Variants in ZMYM2 observed in about 807,000 individuals in gnomAD.
ZMYM2 encodes the protein zinc finger MYM-type protein 2.
A neutral mutation model predicts 162.8 loss-of-function variants in ZMYM2; 56 were observed. The ratio of observed to expected loss-of-function variants is 0.34; its 90% confidence interval spans 0.28 to 0.43. The LOEUF (loss-of-function observed/expected upper bound fraction) is 0.43, where lower values mean the gene tolerates loss of function less well. Ranked by LOEUF, ZMYM2 falls within the 20% of genes least tolerant of loss-of-function variation. ZMYM2 has a pLI of 1.00. For synonymous variants in ZMYM2, 510 were observed against 541.6 expected, an observed-to-expected ratio of 0.94 and a Z score of 0.81; for missense variants, 1,275 against 1,621.8, an observed-to-expected ratio of 0.79 and a Z score of 3.67.
the ZMYM2 span, among the ~76,000 whole-genome samples, chr13:19,893,700 ACTGCAGTCTAGC>A: frequency 6.6e-6 from 1 of 151,890 alleles, no homozygotes. Context: ...AGATGACACG[ACTGCAGTCTAGC>A]CTGGGCGACA....
At chr13:19,974,478 CTTTT>C (rs796692110) in intron 2 of ZMYM2, among the ~76,000 whole-genome samples, 1 of 141,206 alleles carries the variant, frequency 7.1e-6, no homozygotes, top group Admixed American at 7.1e-5. Flanking sequence ...TATCCTTCTA[CTTTT>C]TTTTTTTTTT....
intron 2 of ZMYM2, among the ~76,000 whole-genome samples, chr13:19,984,077 C>G (rs1948949902): frequency 6.6e-6 from 1 of 152,152 alleles, no homozygotes; most frequent in African/African-American, 2.4e-5. Flanking sequence ...ACTTAGAAAG[C>G]GTTTAGATAG....
upstream of ZMYM2, among the ~76,000 whole-genome samples, chr13:19,957,752 C>T (rs1309783853): frequency 6.6e-6 from 1 of 152,238 alleles, no homozygotes; most frequent in African/African-American, 2.4e-5. Flanking sequence ...AGGACGGCGG[C>T]GCCCAAGGAC....
chr13:19,881,222 C>T, the ZMYM2 span, among the ~76,000 whole-genome samples: 4 of 152,054 alleles, frequency 2.6e-5, no homozygotes, highest in Admixed American at 2.0e-4. Context: ...AAATTTTCAT[C>T]TATGGAAAAC....
At chr13:19,955,700 C>CA (rs1480764024), upstream of ZMYM2, among the ~76,000 whole-genome samples, 1 of 152,164 alleles carries the variant, frequency 6.6e-6, no homozygotes, top group Non-Finnish European at 1.5e-5. Flanking sequence ...CGGCTCACTG[C>CA]AACCTCCGCC....
At chr13:20,074,956 T>A (rs1957383108) in intron 21 of ZMYM2, among the ~76,000 whole-genome samples, 1 of 152,212 alleles carries the variant, frequency 6.6e-6, no homozygotes, top group South Asian at 2.1e-4. Flanking sequence ...GTTCTACAGT[T>A]TACCAAAATT....
Position 19,965,010 on chromosome 13 carries a change from G to A in ZMYM2, c.-11+4984G>A, listed in dbSNP as rs543976694. Among the ~76,000 whole-genome samples the A allele has an allele frequency of 1.1e-3, 172 of 151,584 alleles. 1 individual carries two copies. In the Middle Eastern group the frequency reaches 0.017, roughly 15 times the overall value. ...AAATACTTAAGTTAGTGGGTGCAGC[G>A]CACCAGCATGGCACATGTATACATA... On this transcript the variant is annotated intron_variant, in intron 2 of 24. Transcript: ENST00000610343.
At chr13:19,916,508 TAC>T in the ZMYM2 span, among the ~76,000 whole-genome samples, 1 of 152,140 alleles carries the variant, frequency 6.6e-6, no homozygotes, top group East Asian at 1.9e-4. Flanking sequence ...GTGGCACATA[TAC>T]ACAATGAAAT....
chr13:20,025,891 A>G (rs767518150), intron 7 of ZMYM2: 1 of 152,220 alleles, frequency 6.6e-6, no homozygotes, highest in Non-Finnish European at 1.5e-5. Context: ...AACATAGAAA[A>G]GGTACAGTAG....
At chr13:20,053,008 T>C (rs1955500588) in intron 14 of ZMYM2, among the ~76,000 whole-genome samples, 3 of 152,214 alleles carry the variant, frequency 2.0e-5, no homozygotes, top group Admixed American at 2.0e-4. Context: ...TATTTTTCTT[T>C]TGGTGTAATA....
chr13:20,002,860 C>T lies in ZMYM2; in HGVS notation c.858C>T (p.Ile286=). 6.2e-7 allele frequency: 1 copy of T among 1,612,678 alleles called. No individual in the cohort carries two copies. The highest frequency in any genetic ancestry group is 1.1e-5 in the South Asian group (1 of 91,028). Residue 286 remains isoleucine, a synonymous_variant, in exon 4 of 25, where the codon ATC becomes ATT. Transcript: ENST00000610343. The part of the protein sequence containing the change: ...SATHHNPDSW[I]SQSASFPRNQ... ...CATTTTGTTTTTAAGATTCTTGGAT[C>T]TCCCAGTCAGCTTCATTTCCCCGTA...
chr13:19,882,781 TGC>T, the ZMYM2 span, among the ~76,000 whole-genome samples: 17,467 of 151,962 alleles, frequency 0.11, 1,275 homozygotes, highest in African/African-American at 0.21. Context: ...CACAATGACG[TGC>T]GCCACTTCAC....
chr13:19,887,504 G>C, the ZMYM2 span, among the ~76,000 whole-genome samples: 74 of 150,686 alleles, frequency 4.9e-4, 2 homozygotes, highest in African/African-American at 1.6e-3. Flanking sequence ...ACTCCAGCCT[G>C]GGAGACAGAA....
At chr13:20,066,670 G>A (rs1288526866) in intron 19 of ZMYM2, 181 bp from the exon 20 acceptor site, 1 of 468,684 alleles carries the variant, frequency 2.1e-6, no homozygotes, top group African/African-American at 2.0e-5. Context: ...GGAAGAGGTA[G>A]AAGGAGGTTG....
chr13:19,924,710 A>G, the ZMYM2 span, among the ~76,000 whole-genome samples: 2 of 152,020 alleles, frequency 1.3e-5, no homozygotes, highest in Admixed American at 6.6e-5. Flanking sequence ...CTGTTCGTCT[A>G]TGGATGGAGA....
At chr13:19,959,309 C>T (rs1015156545) in intron 1 of ZMYM2, among the ~76,000 whole-genome samples, 7 of 152,050 alleles carry the variant, frequency 4.6e-5, no homozygotes, top group African/African-American at 1.7e-4. Flanking sequence ...GCAGCGCTCC[C>T]ACCCTGTCCA....
chr13:20,035,286 C>T (rs765410713), intron 11 of ZMYM2, among the ~76,000 whole-genome samples: 1 of 152,124 alleles, frequency 6.6e-6, no homozygotes, highest in Non-Finnish European at 1.5e-5. Flanking sequence ...TCAACTAGTG[C>T]GTTCATTTAC....
chr13:19,978,438 C>T (rs568358021), intron 2 of ZMYM2, among the ~76,000 whole-genome samples: 11 of 150,564 alleles, frequency 7.3e-5, no homozygotes, highest in South Asian at 4.2e-4. Flanking sequence ...TTTTTTGAGA[C>T]GAAGTTTTGC....
upstream of ZMYM2, among the ~76,000 whole-genome samples, chr13:19,957,884 C>T (rs1191305035): frequency 6.6e-6 from 1 of 152,218 alleles, no homozygotes; most frequent in Non-Finnish European, 1.5e-5. Flanking sequence ...ACCGTCGTGC[C>T]CGTCCCCTGT....
Sources: gnomAD v4.1 joint callset for allele counts (sites outside exome capture counted in the v4.1 genomes callset) on GRCh38, gnomAD v4.1.1 for gene constraint, MANE v1.5 for transcripts, NCBI Gene and HGNC (gene_info 2026-07-23, HGNC 2026-07-21) for gene names.